SMIM27: variants seen among roughly 807,000 people sequenced by gnomAD.
SMIM27 encodes TOPORS antisense RNA 1 (non-protein coding).
Under a neutral mutation model 1.8 loss-of-function variants are expected in SMIM27, and 3 were observed. That is an observed-to-expected ratio of 1.65 (90% CI 0.75 to 4.28). SMIM27 has a LOEUF of 4.28. SMIM27 is among the 30% of genes most tolerant of loss of function. The pLI is 0.02. For missense variants in SMIM27, 63 were observed against 37.0 expected (o/e 1.70, Z -1.83); for synonymous variants, 19 against 13.9 (o/e 1.37, Z -0.82).
At chr9:32,551,506 T>C (rs1821258953), upstream of SMIM27, 1 of 275,490 alleles carries the variant, frequency 3.6e-6, no homozygotes, top group Non-Finnish European at 7.4e-6. Context: ...AAACAGGGCC[T>C]GGACTCCTCC....
rs1821797500 is a variant in SMIM27 at position 32,566,594 on chromosome 9, G to C, written c.*141G>C. On this transcript the variant is annotated 3_prime_UTR_variant, in exon 2 of 2. Transcript: ENST00000451672. ...GGAGCTTCTGGCACATGGAGCGGAG[G>C]ACCCGCAGGAATTCCTCCTGAGCCT... 6.4e-6 allele frequency: 5 copies of C among 784,972 alleles called. No homozygotes were observed. The South Asian group carries it at 6.7e-5, about 11-fold the overall frequency. The allele number at this position is 784,972 out of a possible 1,614,324, so 48.6% of individuals were successfully genotyped here.
At chr9:32,559,097 T>A (rs1199352889) in intron 1 of SMIM27, 20 of 521,140 alleles carry the variant, frequency 3.8e-5, no homozygotes, top group Non-Finnish European at 5.9e-5. Flanking sequence ...TTACTCAACA[T>A]CTCTACTTAG....
At chr9:32,551,839 T>G, upstream of SMIM27, 1 of 449,724 alleles carries the variant, frequency 2.2e-6, no homozygotes, top group Non-Finnish European at 4.5e-6. Context: ...TTCTTAGAGA[T>G]ATACATTACG....
intron 1 of SMIM27, among the ~76,000 whole-genome samples, chr9:32,564,335 C>A (rs908317491): frequency 6.6e-6 from 1 of 152,034 alleles, no homozygotes; most frequent in Non-Finnish European, 1.5e-5. Context: ...CACAGGCATA[C>A]CTTACTTTAT....
chr9:32,566,304 C>T, intron 1 of SMIM27: 1 of 1,178,368 alleles, frequency 8.5e-7, no homozygotes, highest in Non-Finnish European at 1.3e-6. Context: ...AAAATATTCC[C>T]AGTCCACTTC....
downstream of SMIM27, among the ~76,000 whole-genome samples, chr9:32,556,032 A>G (rs1175715048): frequency 6.6e-6 from 1 of 152,226 alleles, no homozygotes; most frequent in Non-Finnish European, 1.5e-5. Context: ...GATCAACAGA[A>G]GTCATATATA....
In SMIM27 at chr9:32,552,364, C is replaced by T. The variant is rs781781921; in HGVS notation, c.-71C>T. The T allele has an allele frequency of 2.1e-5, 34 of 1,587,236 alleles. No individual in the cohort carries two copies. Among genetic ancestry groups the T allele is most frequent in the Non-Finnish European group, 2.9e-5 (34 of 1,166,306 alleles). ...AAGATGGCTGCTGGCGCCTGGCAGC[C>T]ACCGCCTGGGAGGTTACTGTAAGGC... On this transcript the variant is annotated 5_prime_UTR_variant, in exon 1 of 2. Transcript: ENST00000692500.
intron 1 of SMIM27, chr9:32,565,753 C>CTCAG (rs923527231): frequency 6.5e-6 from 1 of 154,112 alleles, no homozygotes; most frequent in Admixed American, 6.5e-5. Flanking sequence ...AGGTGGATCA[C>CTCAG]CTGAGGTCAG....
At chr9:32,563,141 T>A (rs188454871) in intron 1 of SMIM27, among the ~76,000 whole-genome samples, 1 of 152,330 alleles carries the variant, frequency 6.6e-6, no homozygotes, top group Non-Finnish European at 1.5e-5. Context: ...AAAGTAATGC[T>A]GTGTTCTTAT....
rs1821334867 is a variant in SMIM27 at position 32,552,842 on chromosome 9, C to CTA, written c.89_90dup (p.Ala31MetfsTer11). On this transcript the variant is annotated frameshift_variant, in exon 2 of 2. Coordinates refer to ENST00000692500, the MANE Select transcript of SMIM27 (RefSeq NM_001387564.1). LOFTEE classifies it low-confidence loss of function (END_TRUNC). The stretch of plus-strand genomic sequence containing the variant: ...TTTTAATCTCCTGGGGCTGCATCAT[C>CTA]TATGCTTCGATGGTGTCTGCAAGAC... The CTA allele has an allele frequency of 2.8e-6, 2 of 702,640 alleles. No individual in the cohort carries two copies. The highest frequency in any genetic ancestry group is 5.2e-6 in the Non-Finnish European group (2 of 384,832). The allele number at this position is 702,640 out of a possible 1,614,324, so 43.5% of individuals were successfully genotyped here. A position where few individuals can be genotyped will look rare whatever the true frequency, so the allele number is the denominator to read the frequency against.
downstream of SMIM27, among the ~76,000 whole-genome samples, chr9:32,555,138 C>T (rs1297304972): frequency 6.6e-6 from 1 of 152,002 alleles, no homozygotes; most frequent in Non-Finnish European, 1.5e-5. Flanking sequence ...TTGGGCCAGT[C>T]ATGGTGGCTC....
intron 1 of SMIM27, among the ~76,000 whole-genome samples, chr9:32,560,447 G>A (rs1165082250): frequency 6.6e-6 from 1 of 152,192 alleles, no homozygotes; most frequent in Admixed American, 6.5e-5. Flanking sequence ...GTTAAACCCA[G>A]AGTATAAATA....
upstream of SMIM27, chr9:32,552,254 C>T (rs1456847402): frequency 1.3e-6 from 1 of 794,134 alleles, no homozygotes; most frequent in Non-Finnish European, 2.1e-6. Context: ...CCCCCGATCA[C>T]GTGATACCGC....
chr9:32,561,326 T>C (rs915285767), intron 1 of SMIM27, among the ~76,000 whole-genome samples: 16 of 151,820 alleles, frequency 1.1e-4, no homozygotes, highest in Middle Eastern at 3.4e-3. Flanking sequence ...AAATTCACTA[T>C]TTTCTTTTTT....
At chr9:32,565,930 C>G (rs1821772355) in intron 1 of SMIM27, among the ~76,000 whole-genome samples, 1 of 152,138 alleles carries the variant, frequency 6.6e-6, no homozygotes, top group African/African-American at 2.4e-5. Flanking sequence ...CAGGATCACA[C>G]TACTACACTC....
chr9:32,563,504 T>TTTTTTTTTTTTTTTTTGG (rs74178817), intron 1 of SMIM27, among the ~76,000 whole-genome samples: 1 of 148,764 alleles, frequency 6.7e-6, no homozygotes, highest in Non-Finnish European at 1.5e-5. Flanking sequence ...TTTTTTTTTT[T>TTTTTTTTTTTTTTTTTGG]GGAGGGATGG....
At chr9:32,559,494 C>T (rs1821567352) in intron 1 of SMIM27, among the ~76,000 whole-genome samples, 1 of 152,130 alleles carries the variant, frequency 6.6e-6, no homozygotes, top group Non-Finnish European at 1.5e-5. Context: ...AGAGAAAAAG[C>T]CAGTCTTTTC....
downstream of SMIM27, chr9:32,553,085 C>A (rs535758571): frequency 7.8e-6 from 4 of 512,252 alleles, no homozygotes; most frequent in Non-Finnish European, 1.4e-5. Context: ...TAGTATTTTA[C>A]ATTCTCATGA....
downstream of SMIM27, chr9:32,554,074 C>A (rs898044577): frequency 4.9e-5 from 27 of 552,272 alleles, no homozygotes; most frequent in African/African-American, 4.0e-4. Context: ...TTAAAAGGAC[C>A]CTAGACAAAG....
Sources: gnomAD v4.1 joint callset for allele counts (sites outside exome capture counted in the v4.1 genomes callset) on GRCh38, gnomAD v4.1.1 for gene constraint, MANE v1.5 for transcripts, NCBI Gene and HGNC (gene_info 2026-07-23, HGNC 2026-07-21) for gene names.